RAI1: variants seen among roughly 807,000 people sequenced by gnomAD.
RAI1 encodes retinoic acid induced 1.
In RAI1, 9 loss-of-function variants were observed where a neutral mutation model predicts 123.8. The ratio of observed to expected loss-of-function variants is 0.07; its 90% confidence interval spans 0.04 to 0.13. The LOEUF (loss-of-function observed/expected upper bound fraction) is 0.13, where lower values mean the gene tolerates loss of function less well. RAI1 is among the 10% of genes least tolerant of loss of function. RAI1 has a pLI of 1.00. For synonymous variants in RAI1, 1,231 were observed against 1,127.3 expected (o/e 1.09, Z -1.84); for missense variants, 2,256 against 2,545.8 (o/e 0.89, Z 2.45).
chr17:17,762,435 C>T (rs1420399428), intron 2 of RAI1, among the ~76,000 whole-genome samples: 3 of 152,060 alleles, frequency 2.0e-5, no homozygotes, highest in Non-Finnish European at 4.4e-5. Context: ...GTACCCCTAA[C>T]CTTAGACAGC....
chr17:17,681,999 G>T (rs1272744488), intron 1 of RAI1, among the ~76,000 whole-genome samples: 1 of 151,324 alleles, frequency 6.6e-6, no homozygotes, highest in South Asian at 2.1e-4. Flanking sequence ...GGACGTCTGG[G>T]GAGCTGCAGG....
chr17:17,807,133 G>A (rs2032609570), intron 4 of RAI1, among the ~76,000 whole-genome samples: 1 of 152,094 alleles, frequency 6.6e-6, no homozygotes, highest in Admixed American at 6.5e-5. Flanking sequence ...CTGGGAAACT[G>A]AGGAACAGCT....
Position 17,809,868 on chromosome 17 carries a change from G to C in RAI1, c.5710-102G>C. The C allele has an allele frequency of 4.6e-6, 7 of 1,519,356 alleles. No homozygotes were observed. Among genetic ancestry groups the C allele is most frequent in the South Asian group, 1.2e-5 (1 of 83,198 alleles). 94.1% of individuals were successfully genotyped at this position (1,519,356 alleles called of 1,614,324 possible). On this transcript the variant is annotated intron_variant, in intron 5 of 5. Coordinates refer to ENST00000353383, the MANE Select transcript of RAI1 (RefSeq NM_030665.4). The surrounding 1 kb of genome is among the most constrained non-coding windows in gnomAD (Gnocchi z 4.9). ...GAGACCCCAGCCGCGCTCTGGGGTC[G>C]CCTGGGTCTGGGGCTTAGGCGGGGG...
chr17:17,791,890 T>C lies in RAI1; in HGVS notation c.-16-1043T>C, dbSNP rs550498851. The stretch of plus-strand genomic sequence containing the variant: ...GTCCTTTCCTGACCCAGGATTCTGC[T>C]CTGCAGGCAGGGGCAGGTTAGACCC... On this transcript the variant is annotated intron_variant, in intron 2 of 5. Transcript: ENST00000353383. 5.9e-5 allele frequency among the ~76,000 whole-genome samples: 9 copies of C among 152,182 alleles called. No individual in the cohort carries two copies. The South Asian group carries it at 1.2e-3, about 21-fold the overall frequency.
chr17:17,789,463 C>A (rs2031938263), intron 2 of RAI1, among the ~76,000 whole-genome samples: 1 of 152,246 alleles, frequency 6.6e-6, no homozygotes, highest in Non-Finnish European at 1.5e-5. Flanking sequence ...GTGTGCCACA[C>A]TGCCGAAGGC....
chr17:17,803,779 C>T lies in RAI1; in HGVS notation c.5589C>T (p.Ala1863=), dbSNP rs111696458. 2.4e-5 allele frequency: 38 copies of T among 1,613,366 alleles called. No individual in the cohort carries two copies. Among genetic ancestry groups the T allele is most frequent in the African/African-American group, 1.3e-4 (10 of 75,062 alleles). ...VDMMCSSCQE[A]GATIGCCHKG... ...AGATGTGTTCCAGCTGCCAAGAAGC[C>T]GGGGCCACCATTGGGTGCTGCCACA... Residue 1863 remains alanine (A), a synonymous_variant, in exon 4 of 6, where the codon GCC becomes GCT. Coordinates refer to ENST00000353383, the MANE Select transcript of RAI1 (RefSeq NM_030665.4).
At chr17:17,721,367 CA>C (rs1915874744) in intron 1 of RAI1, among the ~76,000 whole-genome samples, 1 of 152,126 alleles carries the variant, frequency 6.6e-6, no homozygotes, top group Non-Finnish European at 1.5e-5. Context: ...AACAAACAGA[CA>C]AAAATACCTA....
At chr17:17,752,422 CTG>C (rs1389168556) in intron 2 of RAI1, among the ~76,000 whole-genome samples, 5 of 151,792 alleles carry the variant, frequency 3.3e-5, no homozygotes, top group South Asian at 2.1e-4. Flanking sequence ...CGCGCGCTGC[CTG>C]TGATTAACAG....
At chr17:17,756,138 C>T (rs1295009210) in intron 2 of RAI1, among the ~76,000 whole-genome samples, 1 of 152,072 alleles carries the variant, frequency 6.6e-6, no homozygotes, top group Non-Finnish European at 1.5e-5. Flanking sequence ...GCCTGCGAAA[C>T]TTAAGCATCC....
At chr17:17,744,789 CAAA>C (rs58984430) in intron 2 of RAI1, among the ~76,000 whole-genome samples, 4 of 46,806 alleles carry the variant, frequency 8.5e-5, no homozygotes, top group African/African-American at 1.7e-4. Context: ...GACTCCGTCT[CAAA>C]AAAAAAAAAA....
intron 2 of RAI1, among the ~76,000 whole-genome samples, chr17:17,791,728 G>A (rs2032018766): frequency 6.6e-6 from 1 of 152,176 alleles, no homozygotes; most frequent in Non-Finnish European, 1.5e-5. Context: ...CCAAAACCTG[G>A]GGCATTCCTC....
At position 17,768,733 on chromosome 17, in the gene RAI1, T is replaced by C. The variant is rs1220618776; in HGVS notation, c.-16-24200T>C. Among the ~76,000 whole-genome samples the C allele has an allele frequency of 2.6e-5, 4 of 152,190 alleles. No individual in the cohort carries two copies. The East Asian group carries it at 7.7e-4, about 29-fold the overall frequency. The stretch of plus-strand genomic sequence containing the variant: ...CAAGACGACTCAGGTTGGAATCGAT[T>C]GAAACCAAGCCAAGAGCTTGGGCCT... On this transcript the variant is annotated intron_variant, in intron 2 of 5. Transcript: ENST00000353383.
chr17:17,773,417 C>A (rs1252877833), intron 2 of RAI1, among the ~76,000 whole-genome samples: 1 of 152,106 alleles, frequency 6.6e-6, no homozygotes, highest in African/African-American at 2.4e-5. Context: ...CACCGATGCC[C>A]TCCTCCATCC....
rs1361062271 is a variant in RAI1, at chr17:17,794,141, C to T, written c.1193C>T (p.Pro398Leu). Residue 398 changes from proline (P) to leucine (L), a missense_variant, in exon 3 of 6, where the codon CCC becomes CTC. This residue lies in a region of RAI1 where 357 missense variants were observed against 480.2 expected (regional missense o/e 0.74). Coordinates refer to ENST00000353383, the MANE Select transcript of RAI1 (RefSeq NM_030665.4). ...DHSHFMPLLNPSPTDATSSVD... is the reference protein window; with the variant it reads ...DHSHFMPLLNLSPTDATSSVD... ...AGCCACTTCATGCCCCTGCTCAATC[C>T]CTCCCCAACGGATGCCACCAGCTCT... is the stretch of plus-strand genomic sequence containing the variant. 1.2e-6 allele frequency: 2 copies of T among 1,613,956 alleles called. No homozygotes were observed. The highest frequency in any genetic ancestry group is 2.7e-5 in the African/African-American group (2 of 74,936).
In RAI1 at chr17:17,796,541, G is replaced by C. The variant is rs1182563778; in HGVS notation, c.3593G>C (p.Arg1198Thr). The C allele has an allele frequency of 1.2e-6, 2 of 1,611,124 alleles. No individual in the cohort carries two copies. Among genetic ancestry groups the C allele is most frequent in the Middle Eastern group, 1.6e-4 (1 of 6,062 alleles). ...TCCAGCAGCCCCCAGAAGGAGGGCA[G>C]GGTGAGCCAGCGGGCAAGGGTCCCC... Reference protein sequence around the residue: ...KVSSSPQKEGRVSQRARVPKP... With the variant: ...KVSSSPQKEGTVSQRARVPKP... The change falls in exon 3 of 6, where the codon AGG becomes ACG. Residue 1198 changes from arginine (R) to threonine (T), a missense_variant. Physicochemically the swap from Arg to Thr is moderately conservative, Grantham distance 71 (BLOSUM62 -1). Coordinates refer to ENST00000353383, the MANE Select transcript of RAI1 (RefSeq NM_030665.4). The surrounding 1 kb of genome is among the most constrained non-coding windows in gnomAD (Gnocchi z 5.8).
intron 2 of RAI1, among the ~76,000 whole-genome samples, chr17:17,756,196 A>C (rs536170263): frequency 2.0e-5 from 3 of 149,862 alleles, no homozygotes; most frequent in Non-Finnish European, 4.4e-5. Flanking sequence ...GGAGTGAATG[A>C]ATTTTTTTTT....
intron 2 of RAI1, among the ~76,000 whole-genome samples, chr17:17,735,766 C>T (rs920645013): frequency 6.6e-6 from 1 of 152,204 alleles, no homozygotes; most frequent in African/African-American, 2.4e-5. Flanking sequence ...AGATGCCCAA[C>T]CTGTGCCTTC....
intron 1 of RAI1, among the ~76,000 whole-genome samples, chr17:17,703,381 T>C (rs1915292379): frequency 6.6e-6 from 1 of 152,068 alleles, no homozygotes; most frequent in Non-Finnish European, 1.5e-5. Flanking sequence ...CCATGCAGGG[T>C]GGGGACTGCT....
rs2032688654 is a variant in RAI1, at chr17:17,809,866, TCGCCTG to T, written c.5710-103_5710-98del. 7.3e-6 allele frequency: 11 copies of T among 1,507,266 alleles called. No individual in the cohort carries two copies. The highest frequency in any genetic ancestry group is 9.9e-6 in the Non-Finnish European group (11 of 1,112,610). The allele number at this position is 1,507,266 out of a possible 1,614,324, so 93.4% of individuals were successfully genotyped here. The stretch of plus-strand genomic sequence containing the variant: ...CGGAGACCCCAGCCGCGCTCTGGGG[TCGCCTG>T]GGTCTGGGGCTTAGGCGGGGGGCCC... On this transcript the variant is annotated intron_variant, in intron 5 of 5. Transcript: ENST00000353383. This position sits in a 1 kb window ranked among gnomAD's most constrained non-coding sequence, Gnocchi z 4.9.
Sources: allele counts gnomAD v4.1 joint callset (sites outside exome capture counted in the v4.1 genomes callset), GRCh38; gene constraint gnomAD v4.1.1; regional missense constraint gnomAD v4.1.1; non-coding constraint Gnocchi (gnomAD v3.1); transcripts MANE v1.5; gene names NCBI Gene and HGNC (gene_info 2026-07-23, HGNC 2026-07-21).